RAPGEF4: variants seen among roughly 807,000 people sequenced by gnomAD.
RAPGEF4 encodes the protein Rap guanine nucleotide exchange factor 4, also known as RAP guanine-nucleotide-exchange factor (GEF) 4.
A neutral mutation model predicts 147.9 loss-of-function variants in RAPGEF4; 66 were observed. That is an observed-to-expected ratio of 0.45 (90% CI 0.37 to 0.55). RAPGEF4 has a LOEUF of 0.55. Ranked by LOEUF, RAPGEF4 falls within the 20% of genes least tolerant of loss-of-function variation. The probability of loss-of-function intolerance (pLI) is 0.00; values close to 1 mark genes in which losing one functional copy is unlikely to be tolerated. For synonymous variants in RAPGEF4, 419 were observed against 442.7 expected (o/e 0.95, Z 0.67); for missense variants, 1,071 against 1,257.3 (o/e 0.85, Z 2.24).
At chr2:173,034,015 T>C in intron 27 of RAPGEF4, 51 bp downstream of exon 27, 1 of 1,524,536 alleles carries the variant, frequency 6.6e-7, no homozygotes, top group South Asian at 1.2e-5. Flanking sequence ...TTAATCCAAT[T>C]TCTGATTAGC....
At chr2:172,854,145 C>T (rs1024868841) in intron 4 of RAPGEF4, among the ~76,000 whole-genome samples, 7 of 151,828 alleles carry the variant, frequency 4.6e-5, no homozygotes, top group Admixed American at 3.3e-4. Flanking sequence ...TTATATGTCC[C>T]CACTGATTTT....
intron 4 of RAPGEF4, among the ~76,000 whole-genome samples, chr2:172,833,005 ACTAGCCTGGCCAACAT>A (rs1406684501): frequency 5.9e-5 from 9 of 152,216 alleles, no homozygotes; most frequent in Non-Finnish European, 1.5e-5. Context: ...GGAGTTCAAG[ACTAGCCTGGCCAACAT>A]GGCGAAACGC....
chr2:172,942,060 A>G (rs1324656927), intron 6 of RAPGEF4, among the ~76,000 whole-genome samples: 1 of 151,834 alleles, frequency 6.6e-6, no homozygotes, highest in African/African-American at 2.4e-5. Context: ...ACGGAGTATG[A>G]TGTGATATTT....
chr2:172,773,174 A>G (rs1224032673), intron 1 of RAPGEF4, among the ~76,000 whole-genome samples: 1 of 152,212 alleles, frequency 6.6e-6, no homozygotes, highest in African/African-American at 2.4e-5. Context: ...CTTTTACTGG[A>G]TAATATGATT....
At chr2:172,983,047 T>G (rs1691851062) in intron 10 of RAPGEF4, among the ~76,000 whole-genome samples, 1 of 152,260 alleles carries the variant, frequency 6.6e-6, no homozygotes, top group African/African-American at 2.4e-5. Flanking sequence ...GTGGCATTAT[T>G]ATTCTGCTAG....
chr2:172,753,130 C>T (rs1254570654), intron 1 of RAPGEF4, among the ~76,000 whole-genome samples: 2 of 151,892 alleles, frequency 1.3e-5, no homozygotes, highest in Admixed American at 1.3e-4. Flanking sequence ...CTCGGAGGAA[C>T]TTACAGGAAT....
chr2:172,883,383 A>T (rs1291646448), intron 4 of RAPGEF4, among the ~76,000 whole-genome samples: 3 of 152,072 alleles, frequency 2.0e-5, no homozygotes. Flanking sequence ...ATCAGGATTA[A>T]TCCATTCATG....
Position 172,821,810 on chromosome 2 carries a change from C to G in RAPGEF4, c.444+7385C>G, listed in dbSNP as rs1401972601. ...GACTGCCTGAGCTTTCCTGGAGAAC[C>G]ATCAGCACCAGTTTCCTTTCTGTGG... On this transcript the variant is annotated intron_variant, in intron 4 of 30. Transcript: ENST00000397081. 6.4e-5 allele frequency: 85 copies of G among 1,321,234 alleles called. 1 individual carries two copies. Among genetic ancestry groups the G allele is most frequent in the Non-Finnish European group, 7.9e-5 (81 of 1,028,568 alleles). 81.8% of individuals were successfully genotyped at this position (1,321,234 alleles called of 1,614,324 possible).
At chr2:172,893,563 A>G (rs993054601) in intron 4 of RAPGEF4, among the ~76,000 whole-genome samples, 1 of 152,204 alleles carries the variant, frequency 6.6e-6, no homozygotes, top group Non-Finnish European at 1.5e-5. Context: ...AAAATATACT[A>G]TACTAACTTT....
chr2:173,048,549 A>G (rs936025660), intron 29 of RAPGEF4, 51 bp from the exon 30 acceptor site: 3 of 1,612,220 alleles, frequency 1.9e-6, no homozygotes, highest in Non-Finnish European at 2.5e-6. Context: ...TTTGGATTGT[A>G]CTCTACGCTT....
intron 4 of RAPGEF4, among the ~76,000 whole-genome samples, chr2:172,863,885 A>G (rs549262615): frequency 1.4e-4 from 21 of 152,376 alleles, no homozygotes; most frequent in African/African-American, 4.8e-4. Flanking sequence ...ACCACTTTTC[A>G]TGTTAATAAT....
In RAPGEF4 at chr2:172,862,837, G is replaced by T. The variant is rs141429126; in HGVS notation, c.444+48412G>T. Among the ~76,000 whole-genome samples the T allele has an allele frequency of 4.3e-4, 66 of 152,298 alleles. No homozygotes were observed. The East Asian group carries it at 0.011, about 26-fold the overall frequency. On this transcript the variant is annotated intron_variant, in intron 4 of 30. Coordinates refer to ENST00000397081, the MANE Select transcript of RAPGEF4 (RefSeq NM_007023.4). ...TCATCATACAGGAATTAAGAGAAGA[G>T]ATGTACCTGGGTGTTAGGAGGTGCT...
At chr2:172,788,447 G>T (rs1685464837) in intron 1 of RAPGEF4, among the ~76,000 whole-genome samples, 1 of 152,172 alleles carries the variant, frequency 6.6e-6, no homozygotes, top group South Asian at 2.1e-4. Context: ...AAATAACTTT[G>T]TGTTAGTTTT....
intron 6 of RAPGEF4, among the ~76,000 whole-genome samples, chr2:172,933,304 G>A (rs763496925): frequency 5.1e-4 from 78 of 152,070 alleles, no homozygotes; most frequent in Non-Finnish European, 8.1e-4. Flanking sequence ...GAGTCCATAG[G>A]ATTTTCTGAT....
At chr2:172,962,887 C>T (rs1013801626) in intron 8 of RAPGEF4, among the ~76,000 whole-genome samples, 5 of 152,068 alleles carry the variant, frequency 3.3e-5, no homozygotes, top group African/African-American at 1.2e-4. Context: ...AGTCTGTCGA[C>T]CTGTATTAGT....
Position 172,990,907 on chromosome 2 carries a change from A to G in RAPGEF4, c.1472A>G (p.Asn491Ser). 1 of 1,613,384 alleles carries G rather than the reference A, an allele frequency of 6.2e-7. No homozygotes were observed. Residue 491 changes from asparagine to serine, a missense_variant, in exon 15 of 31, where the codon AAC (asparagine) becomes AGC (serine). Asn to Ser is a conservative substitution (Grantham distance 46). Transcript: ENST00000397081. ...GGGAACAGAGCTTCTAATCAAGGAAACTCACAGCCTCAGCAAAAGTATGTT... is the reference window on the plus strand; with the variant it reads ...GGGAACAGAGCTTCTAATCAAGGAAGCTCACAGCCTCAGCAAAAGTATGTT... The part of the protein sequence containing the change: ...PAGNRASNQG[N>S]SQPQQKYTVM...
intron 1 of RAPGEF4, among the ~76,000 whole-genome samples, chr2:172,736,758 A>C (rs1693818594): frequency 6.6e-6 from 1 of 152,238 alleles, no homozygotes; most frequent in Non-Finnish European, 1.5e-5. Flanking sequence ...GTGACAGCAT[A>C]ATTTTCTGTT....
Position 172,961,200 on chromosome 2 carries a change from G to T in RAPGEF4, c.670G>T (p.Asp224Tyr). Residue 224 changes from aspartate (D) to tyrosine (Y), a missense_variant, in exon 8 of 31, where the codon GAT becomes TAT. Physicochemically the swap from Asp to Tyr is radical, Grantham distance 160 (BLOSUM62 -3). Transcript: ENST00000397081. The part of the protein sequence containing the change: ...ILSRAPHMIR[D>Y]RKYHLKTYRQ... ...CTCTCGAGCACCTCACATGATAAGA[G>T]ATAGAAAATACCACCTAAAGACATA... 1 of 1,610,186 alleles carries T rather than the reference G, an allele frequency of 6.2e-7. No homozygotes were observed. The highest frequency in any genetic ancestry group is 2.2e-5 in the East Asian group (1 of 44,856).
chr2:172,760,053 C>T (rs1258851666), intron 1 of RAPGEF4, among the ~76,000 whole-genome samples: 1 of 152,070 alleles, frequency 6.6e-6, no homozygotes, highest in Admixed American at 6.6e-5. Flanking sequence ...AAAAAATGCC[C>T]CAAGAAAAGC....
Sources: gnomAD v4.1 joint callset for allele counts (sites outside exome capture counted in the v4.1 genomes callset) on GRCh38, gnomAD v4.1.1 for gene constraint, MANE v1.5 for transcripts, NCBI Gene and HGNC (gene_info 2026-07-23, HGNC 2026-07-21) for gene names.